The following BDH2 variants were observed in gnomAD, a reference collection of about 807,000 sequenced individuals.
BDH2 encodes 3-hydroxybutyrate dehydrogenase 2.
Under a neutral mutation model 33.2 loss-of-function variants are expected in BDH2, and 24 were observed. The ratio of observed to expected loss-of-function variants is 0.72; its 90% CI spans 0.52 to 1.02. The LOEUF is 1.02. BDH2 is among the 50% of genes least tolerant of loss of function. BDH2 has a pLI of 0.00. For synonymous variants in BDH2, 81 were observed against 101.6 expected (o/e 0.80, Z 1.22); for missense variants, 249 against 301.6 (o/e 0.83, Z 1.29).
At chr4:103,088,942 G>A (rs1186298071) in intron 5 of BDH2, among the ~76,000 whole-genome samples, 1 of 152,198 alleles carries the variant, frequency 6.6e-6, no homozygotes, top group African/African-American at 2.4e-5. Flanking sequence ...AAATAACAAA[G>A]ATATCCCCAA....
rs550099328 is a variant in BDH2 at position 103,089,950 on chromosome 4, A to C, written c.357+1227T>G. On this transcript the variant is annotated intron_variant, in intron 5 of 9. Transcript: ENST00000296424. ...GATTTTTCAAAGTCCCTTCATTACT[A>C]AGTCAGTTTCTCTAATTTTCCTGTT... Among the ~76,000 whole-genome samples the C allele has an allele frequency of 2.6e-5, 4 of 152,328 alleles. No individual in the cohort carries two copies. In the South Asian group the frequency reaches 8.3e-4, roughly 32 times the overall value.
At chr4:103,087,735 A>G (rs895104046) in intron 5 of BDH2, among the ~76,000 whole-genome samples, 12 of 152,342 alleles carry the variant, frequency 7.9e-5, no homozygotes, top group East Asian at 1.9e-4. Context: ...AGCTAAATAA[A>G]TATATAATAA....
At chr4:103,086,168 C>T (rs1747769555) in intron 6 of BDH2, 2 of 1,136,944 alleles carry the variant, frequency 1.8e-6, no homozygotes, top group South Asian at 5.2e-5. Context: ...CATACCGGTG[C>T]TCAATACACT....
At chr4:103,086,157 A>T in intron 6 of BDH2, 2 of 1,128,138 alleles carry the variant, frequency 1.8e-6, no homozygotes, top group Non-Finnish European at 2.2e-6. Context: ...TGGCCAGAGC[A>T]CATACCGGTG....
At chr4:103,086,380 T>C (rs1578502419) in intron 6 of BDH2, 100 bp downstream of exon 6, 1 of 1,439,250 alleles carries the variant, frequency 6.9e-7, no homozygotes, top group Non-Finnish European at 9.2e-7. Context: ...ATCATTTCAA[T>C]ACTTGAAATT....
Position 103,086,489 on chromosome 4 carries a change from T to C in BDH2, c.409A>G (p.Ser137Gly). The C allele has an allele frequency of 6.2e-7, 1 of 1,612,516 alleles. No homozygotes were observed. Among genetic ancestry groups the C allele is most frequent in the South Asian group, 1.1e-5 (1 of 90,710 alleles). ...NIINMSSVAS[S>G]VKGVVNRCVY... ...AAGGAGACAGACCCACCTTTGACGC[T>C]GGAAGCCACAGAAGACATGTTGATA... The change falls in exon 6 of 10, where the codon AGC becomes GGC. Residue 137 changes from serine (S) to glycine (G), a missense_variant. Physicochemically the swap from Ser to Gly is moderately conservative, Grantham distance 56. Transcript: ENST00000296424.
rs1747330173 is a variant in BDH2, at chr4:103,078,185, C to G, written c.*1517G>C. ...AACAAGTAAAAAACAAACATAAAAC[C>G]CTTAAATTAAAATAAAAACAAAAAA... On this transcript the variant is annotated 3_prime_UTR_variant, in exon 10 of 10. Coordinates refer to ENST00000296424, the MANE Select transcript of BDH2 (RefSeq NM_020139.4). 6.6e-6 allele frequency among the ~76,000 whole-genome samples: 1 copy of G among 152,030 alleles called. No homozygotes were observed. Among genetic ancestry groups the G allele is most frequent in the African/African-American group, 2.4e-5 (1 of 41,388 alleles).
At chr4:103,083,531 T>C (rs1470887867) in intron 7 of BDH2, among the ~76,000 whole-genome samples, 1 of 152,208 alleles carries the variant, frequency 6.6e-6, no homozygotes, top group African/African-American at 2.4e-5. Flanking sequence ...TTTAATCTAA[T>C]TTAAAGTTAT....
At chr4:103,098,421 C>T (rs548606679) in intron 1 of BDH2, among the ~76,000 whole-genome samples, 1 of 152,304 alleles carries the variant, frequency 6.6e-6, no homozygotes, top group South Asian at 2.1e-4. Flanking sequence ...CTCTAAATCC[C>T]CACTGTGGCA....
chr4:103,081,808 ACTGT>A (rs1747538749), intron 9 of BDH2, among the ~76,000 whole-genome samples: 1 of 152,332 alleles, frequency 6.6e-6, no homozygotes, highest in South Asian at 2.1e-4. Flanking sequence ...TTTGAAAGGA[ACTGT>A]CTCTCAGAAA....
At chr4:103,094,734 A>T (rs1219453465) in intron 3 of BDH2, among the ~76,000 whole-genome samples, 1 of 151,976 alleles carries the variant, frequency 6.6e-6, no homozygotes, top group African/African-American at 2.4e-5. Flanking sequence ...TATATTTTAG[A>T]TATATTGGAT....
At position 103,079,663 on chromosome 4, in the gene BDH2, G is replaced by A. The variant is rs763309122; in HGVS notation, c.*39C>T. 6.3e-7 allele frequency: 1 copy of A among 1,594,430 alleles called. No homozygotes were observed. The highest frequency in any genetic ancestry group is 8.6e-7 in the Non-Finnish European group (1 of 1,162,808). ...TCGTAACCAGGTTCACTGTGGATAG[G>A]AAGGGCCTGCCTTCCTTCCCACCAT... On this transcript the variant is annotated 3_prime_UTR_variant, in exon 10 of 10. Transcript: ENST00000296424.
In BDH2 at chr4:103,082,966, T is replaced by C. The variant is rs781301945; in HGVS notation, c.533-37A>G. The C allele has an allele frequency of 2.6e-6, 4 of 1,551,476 alleles. No individual in the cohort carries two copies. In the South Asian group the frequency reaches 4.5e-5, roughly 17 times the overall value. ...GGGGATATTCAGCTTGGTTACTCAC[T>C]TTCACTGAAAAAGAAATCGATAACT... On this transcript the variant is annotated intron_variant, in intron 7 of 9. Coordinates refer to ENST00000296424, the MANE Select transcript of BDH2 (RefSeq NM_020139.4).
chr4:103,086,358 A>G, intron 6 of BDH2, 122 bp downstream of exon 6: 1 of 1,384,928 alleles, frequency 7.2e-7, no homozygotes, highest in South Asian at 1.9e-5. Flanking sequence ...TTTTGAAAAA[A>G]GCAGTTTTGA....
intron 2 of BDH2, 112 bp downstream of exon 2, chr4:103,096,071 A>G (rs1398253869): frequency 2.9e-6 from 2 of 699,470 alleles, no homozygotes. Context: ...GAAGCACAAA[A>G]GTAAAAAAAT....
chr4:103,095,259 T>G lies in BDH2; in HGVS notation c.95A>C (p.Lys32Thr), dbSNP rs1192708787. The change falls in exon 3 of 10, where the codon AAA (lysine) becomes ACA (threonine). Residue 32 changes from lysine (K) to threonine (T), a missense_variant. Transcript: ENST00000296424. ...CTCATTAATGTCTGTGGCTATGACT[T>G]TGGCACCTTCTCTTGCAAAAGCCTA... ...AALAFAREGA[K>T]VIATDINESK... 2 of 1,613,794 alleles carry G rather than the reference T, an allele frequency of 1.2e-6. No individual in the cohort carries two copies. Among genetic ancestry groups the G allele is most frequent in the Non-Finnish European group, 1.7e-6 (2 of 1,179,788 alleles).
intron 4 of BDH2, chr4:103,092,339 A>T (rs1354545310): frequency 2.3e-6 from 1 of 427,820 alleles, no homozygotes; most frequent in Non-Finnish European, 4.2e-6. Flanking sequence ...ACTTCCATAC[A>T]TTGTAACACA....
At chr4:103,095,926 T>C (rs972994281) in intron 2 of BDH2, among the ~76,000 whole-genome samples, 1 of 152,234 alleles carries the variant, frequency 6.6e-6, no homozygotes, top group Non-Finnish European at 1.5e-5. Flanking sequence ...GAAACTGAAG[T>C]AGAGAAGTTT....
chr4:103,092,071 C>G lies in BDH2; in HGVS notation c.248+529G>C, dbSNP rs372599589. 2.0e-5 allele frequency among the ~76,000 whole-genome samples: 3 copies of G among 152,090 alleles called. No homozygotes were observed. The East Asian group carries it at 5.8e-4, about 29-fold the overall frequency. On this transcript the variant is annotated intron_variant, in intron 4 of 9. Coordinates refer to ENST00000296424, the MANE Select transcript of BDH2 (RefSeq NM_020139.4). ...CCCTTACTGATTTGGTCCTCTGGACCCAAATTATGTAATTCATTATAAAAT... is the reference window on the plus strand; with the variant it reads ...CCCTTACTGATTTGGTCCTCTGGACGCAAATTATGTAATTCATTATAAAAT...
Sources: gnomAD v4.1 joint callset for allele counts (sites outside exome capture counted in the v4.1 genomes callset) on GRCh38, gnomAD v4.1.1 for gene constraint, MANE v1.5 for transcripts, NCBI Gene and HGNC (gene_info 2026-07-23, HGNC 2026-07-21) for gene names.